The following SIAH3 variants were observed in gnomAD, a reference collection of about 807,000 sequenced individuals.
The protein encoded by SIAH3 is seven in absentia homolog 3.
Under a neutral mutation model 12.6 loss-of-function variants are expected in SIAH3, and 9 were observed. The observed-to-expected ratio is 0.72, with a 90% CI of 0.43 to 1.25. SIAH3 has a LOEUF of 1.25. SIAH3 is among the 50% of genes most tolerant of loss of function. The probability of loss-of-function intolerance (pLI) is 0.00; values close to 1 mark genes in which losing one functional copy is unlikely to be tolerated. For missense variants in SIAH3, 390 were observed against 365.4 expected (o/e 1.07, Z -0.55); for synonymous variants, 154 against 151.1 (o/e 1.02, Z -0.14).
intron 1 of SIAH3, among the ~76,000 whole-genome samples, chr13:45,838,396 AT>A (rs1279047803): frequency 6.6e-6 from 1 of 152,212 alleles, no homozygotes; most frequent in Non-Finnish European, 1.5e-5. Context: ...ACTGGCATTT[AT>A]TTAATTACCA....
intron 1 of SIAH3, among the ~76,000 whole-genome samples, chr13:45,794,257 C>T (rs991042100): frequency 6.6e-6 from 1 of 151,678 alleles, no homozygotes; most frequent in Non-Finnish European, 1.5e-5. Flanking sequence ...TGGGAATGGC[C>T]TCACTATCAG....
chr13:45,826,630 C>G (rs1284028707), intron 1 of SIAH3, among the ~76,000 whole-genome samples: 1 of 152,116 alleles, frequency 6.6e-6, no homozygotes, highest in Non-Finnish European at 1.5e-5. Flanking sequence ...GCCTTCATCA[C>G]ATGTTAATAG....
At chr13:45,812,976 A>C (rs1950621213) in intron 1 of SIAH3, among the ~76,000 whole-genome samples, 1 of 152,260 alleles carries the variant, frequency 6.6e-6, no homozygotes, top group Non-Finnish European at 1.5e-5. Context: ...CAGTGTATTG[A>C]AGCCCATCCA....
rs559192797 is a variant in SIAH3, at chr13:45,783,293, A to G, written c.*90T>C. ...ATTAAAAAAAAAAAAAAGAAAGGAG[A>G]AGAATAAAAAGGAGTCTGGAGTCCT... is the stretch of plus-strand genomic sequence containing the variant. On this transcript the variant is annotated 3_prime_UTR_variant, in exon 2 of 2. Coordinates refer to ENST00000400405, the MANE Select transcript of SIAH3 (RefSeq NM_198849.3). The G allele has an allele frequency of 7.8e-5, 64 of 816,580 alleles. No homozygotes were observed. The South Asian group carries it at 2.4e-3, about 31-fold the overall frequency. The allele number at this position is 816,580 out of a possible 1,614,324, so 50.6% of individuals were successfully genotyped here.
At chr13:45,794,526 G>C (rs1022344044) in intron 1 of SIAH3, among the ~76,000 whole-genome samples, 6 of 152,112 alleles carry the variant, frequency 3.9e-5, no homozygotes, top group African/African-American at 1.2e-4. Flanking sequence ...TTGTGGGAGG[G>C]ACCCGGTGGG....
chr13:45,801,481 A>G (rs1950582300), intron 1 of SIAH3, among the ~76,000 whole-genome samples: 1 of 152,190 alleles, frequency 6.6e-6, no homozygotes, highest in South Asian at 2.1e-4. Context: ...CGAGAGTAAG[A>G]AAGACGGAAG....
chr13:45,816,360 G>A (rs1401491552), intron 1 of SIAH3, among the ~76,000 whole-genome samples: 1 of 152,196 alleles, frequency 6.6e-6, no homozygotes, highest in African/African-American at 2.4e-5. Context: ...CTGGAATAAA[G>A]ACATGAAGTG....
Position 45,791,501 on chromosome 13 carries a change from G to GGT in SIAH3, c.136-7446_136-7445dup, listed in dbSNP as rs145679967. Among the ~76,000 whole-genome samples the GGT allele has an allele frequency of 1.4e-3, 207 of 151,584 alleles. 1 individual carries two copies. The highest frequency in any genetic ancestry group is 5.6e-3 in the South Asian group (27 of 4,784). On this transcript the variant is annotated intron_variant, in intron 1 of 1. Transcript: ENST00000400405. ...TCCATCTCAGGTGCTATAGAAATAT[G>GGT]GTGTGTGTGTGTGTGGCCAAGTGTC...
At chr13:45,824,162 G>C (rs538335425) in intron 1 of SIAH3, among the ~76,000 whole-genome samples, 42 of 152,278 alleles carry the variant, frequency 2.8e-4, no homozygotes, top group Non-Finnish European at 5.3e-4. Context: ...AGGCAAATCT[G>C]ACTTAGGTTT....
intron 1 of SIAH3, among the ~76,000 whole-genome samples, chr13:45,832,239 C>A (rs983423169): frequency 1.1e-4 from 16 of 152,210 alleles, no homozygotes; most frequent in African/African-American, 3.4e-4. Context: ...TGTAAGCGTA[C>A]AATTCAGTGG....
intron 1 of SIAH3, among the ~76,000 whole-genome samples, chr13:45,819,904 A>G (rs1020448957): frequency 2.6e-5 from 4 of 152,194 alleles, no homozygotes; most frequent in East Asian, 1.9e-4. Context: ...GGTTCCTCAC[A>G]GTTCTGGAGG....
chr13:45,840,526 T>A (rs1322412969), intron 1 of SIAH3, among the ~76,000 whole-genome samples: 1 of 152,116 alleles, frequency 6.6e-6, no homozygotes, highest in Non-Finnish European at 1.5e-5. Context: ...CCTGAGATAA[T>A]GATTTGGATG....
intron 1 of SIAH3, among the ~76,000 whole-genome samples, chr13:45,838,672 A>G (rs1322381895): frequency 2.0e-5 from 3 of 151,872 alleles, no homozygotes; most frequent in Non-Finnish European, 2.9e-5. Flanking sequence ...CATTCCTTCC[A>G]TTCCAGTCTC....
intron 1 of SIAH3, among the ~76,000 whole-genome samples, chr13:45,789,003 C>T (rs1271268710): frequency 6.6e-6 from 1 of 152,112 alleles, no homozygotes; most frequent in African/African-American, 2.4e-5. Context: ...CATCAGAGTA[C>T]TGAGGTAAAG....
At chr13:45,784,398 G>T (rs74072271) in intron 1 of SIAH3, among the ~76,000 whole-genome samples, 2,245 of 65,322 alleles carry the variant, frequency 0.034, 72 homozygotes, top group Middle Eastern at 0.075. Context: ...AAAGACAGCT[G>T]TTTTTTTTTT....
At chr13:45,807,152 A>G (rs2137561571) in intron 1 of SIAH3, among the ~76,000 whole-genome samples, 1 of 152,308 alleles carries the variant, frequency 6.6e-6, no homozygotes. Context: ...GTAAAATGCT[A>G]CAGAAGAACT....
intron 1 of SIAH3, among the ~76,000 whole-genome samples, chr13:45,844,057 C>A (rs1302500056): frequency 2.0e-5 from 3 of 152,136 alleles, no homozygotes; most frequent in Non-Finnish European, 4.4e-5. Flanking sequence ...ATATCTGCAC[C>A]ATGTTAGTTG....
intron 1 of SIAH3, among the ~76,000 whole-genome samples, chr13:45,800,887 A>T (rs1950579382): frequency 1.3e-5 from 2 of 152,176 alleles, no homozygotes; most frequent in African/African-American, 4.8e-5. Context: ...GAGATAGAAC[A>T]TCGTCTTTGT....
In SIAH3 at chr13:45,851,533, G is replaced by T; in HGVS notation, c.97C>A (p.Gln33Lys). The T allele has an allele frequency of 6.2e-7, 1 of 1,614,152 alleles. No homozygotes were observed. The highest frequency in any genetic ancestry group is 8.5e-7 in the Non-Finnish European group (1 of 1,180,036). The change falls in exon 1 of 2, where the codon CAA (glutamine) becomes AAA (lysine). Residue 33 changes from glutamine to lysine, a missense_variant. By Grantham distance (53) the Gln-to-Lys change is moderately conservative (BLOSUM62 1). Coordinates refer to ENST00000400405, the MANE Select transcript of SIAH3 (RefSeq NM_198849.3). ...KAKRVFSAAG[Q>K]LVCVVNPTHN... is the part of the protein sequence containing the mutation. ...GTGGGGTTGACGACACAGACAAGTTGCCCGGCAGCGGAGAAAACCCGTTTA... is the reference window on the plus strand; with the variant it reads ...GTGGGGTTGACGACACAGACAAGTTTCCCGGCAGCGGAGAAAACCCGTTTA...
Sources: allele counts gnomAD v4.1 joint callset (sites outside exome capture counted in the v4.1 genomes callset), GRCh38; gene constraint gnomAD v4.1.1; transcripts MANE v1.5; gene names NCBI Gene and HGNC (gene_info 2026-07-23, HGNC 2026-07-21).